PHLDB2: variants seen among roughly 807,000 people sequenced by gnomAD.
PHLDB2 encodes pleckstrin homology like domain family B member 2.
A neutral mutation model predicts 123.6 loss-of-function variants in PHLDB2; 71 were observed. The observed-to-expected ratio is 0.57, with a 90% CI of 0.47 to 0.70. The LOEUF (loss-of-function observed/expected upper bound fraction) is 0.70, where lower values mean the gene tolerates loss of function less well. Ranked by LOEUF, PHLDB2 falls within the 30% of genes least tolerant of loss-of-function variation. The pLI is 0.00. For synonymous variants in PHLDB2, 547 were observed against 541.6 expected, an observed-to-expected ratio of 1.01 and a Z score of -0.14; for missense variants, 1,446 against 1,519.5, an observed-to-expected ratio of 0.95 and a Z score of 0.80.
intron 2 of PHLDB2, among the ~76,000 whole-genome samples, chr3:111,896,196 G>T (rs984343414): frequency 1.3e-5 from 2 of 151,990 alleles, no homozygotes; most frequent in African/African-American, 2.4e-5. Context: ...CAAGTGATTT[G>T]CTCCCCTTAG....
chr3:111,869,159 T>A (rs957276837), intron 1 of PHLDB2, among the ~76,000 whole-genome samples: 1 of 152,202 alleles, frequency 6.6e-6, no homozygotes, highest in African/African-American at 2.4e-5. Flanking sequence ...CTGGAATTTT[T>A]TTTTTCTTCT....
At chr3:111,961,565 A>G (rs1384292808) in intron 12 of PHLDB2, among the ~76,000 whole-genome samples, 6 of 152,142 alleles carry the variant, frequency 3.9e-5, no homozygotes, top group Non-Finnish European at 7.3e-5. Context: ...AGAAAATGGG[A>G]AAAATGTGTA....
chr3:111,912,543 C>A (rs2067949153), intron 2 of PHLDB2, among the ~76,000 whole-genome samples: 1 of 151,658 alleles, frequency 6.6e-6, no homozygotes, highest in Admixed American at 6.6e-5. Context: ...AGAGAAAGAC[C>A]TTTATATGGT....
chr3:111,885,473 G>A, intron 2 of PHLDB2, 61 bp downstream of exon 2: 1 of 1,606,430 alleles, frequency 6.2e-7, no homozygotes, highest in African/African-American at 1.3e-5. Context: ...CTACAGGGCA[G>A]CCTTGGAGAT....
chr3:111,861,965 C>T (rs1055670718), intron 1 of PHLDB2, among the ~76,000 whole-genome samples: 1 of 152,118 alleles, frequency 6.6e-6, no homozygotes. Flanking sequence ...CCTCAGCCTC[C>T]CGAGTAGCTG....
rs777551991 is a variant in PHLDB2, at chr3:111,884,402, A to G, written c.325A>G (p.Thr109Ala). Residue 109 changes from threonine to alanine, a missense_variant, in exon 2 of 18, where the codon ACT becomes GCT. Physicochemically the swap from Thr to Ala is moderately conservative, Grantham distance 58 (BLOSUM62 0). Transcript: ENST00000431670. ...CAAAAATATTCCTATGAAACCTCCA[A>G]CTCCTTTACTCAACACTACATCCTC... ...TDKNIPMKPPTPLLNTTSSLS... is the reference protein window; with the variant it reads ...TDKNIPMKPPAPLLNTTSSLS... 7 of 1,613,634 alleles carry G rather than the reference A, an allele frequency of 4.3e-6. No individual in the cohort carries two copies. In the African/African-American group the frequency reaches 8.0e-5, roughly 18 times the overall value.
chr3:111,957,101 G>A (rs1369403858), intron 12 of PHLDB2: 1 of 152,626 alleles, frequency 6.6e-6, no homozygotes, highest in Non-Finnish European at 1.5e-5. Flanking sequence ...TGAGAGGAGA[G>A]TTTAAAACAG....
chr3:111,887,928 T>TA (rs1005954261), intron 2 of PHLDB2, among the ~76,000 whole-genome samples: 9 of 152,160 alleles, frequency 5.9e-5, no homozygotes, highest in African/African-American at 1.9e-4. Flanking sequence ...ATTAATGAGA[T>TA]ATTGTATTTT....
In PHLDB2 at chr3:111,913,412, C is replaced by A; in HGVS notation, c.1429C>A (p.Gln477Lys). 6.2e-7 allele frequency: 1 copy of A among 1,614,142 alleles called. No individual in the cohort carries two copies. The highest frequency in any genetic ancestry group is 1.7e-5 in the Admixed American group (1 of 60,020). ...TACTGGGACCACCGTGGAAGATGTG[C>A]AGAAAATCAACAAGGAGCTTGAGAA... ...LSTGTTVEDV[Q>K]KINKELEKLQ... The change falls in exon 3 of 18, where the codon CAG becomes AAG. Residue 477 changes from glutamine (Q) to lysine (K), a missense_variant. Around this residue, in one of 3 missense-constraint regions of PHLDB2, gnomAD observed 832 missense variants for 831.9 expected, o/e 1.00. Coordinates refer to ENST00000431670, the MANE Select transcript of PHLDB2 (RefSeq NM_001134438.2).
intron 12 of PHLDB2, chr3:111,958,250 T>G: frequency 1.0e-6 from 1 of 987,364 alleles, no homozygotes; most frequent in Non-Finnish European, 1.2e-6. Context: ...TGTGCCCTCT[T>G]CTTCTGGCTG....
At chr3:111,879,970 C>G (rs373429944) in intron 1 of PHLDB2, among the ~76,000 whole-genome samples, 1 of 144,538 alleles carries the variant, frequency 6.9e-6, no homozygotes, top group African/African-American at 2.5e-5. Context: ...TATCTTGAAA[C>G]CCTTTACCCA....
In PHLDB2 at chr3:111,866,419, A is replaced by T. The variant is rs183063198; in HGVS notation, c.-15+6843A>T. ...CTCTTGTGAGCCTGTTTGTACCCTG[A>T]CTATTCCCAGTTCATAAATCTTGGG... On this transcript the variant is annotated intron_variant, in intron 1 of 17. Transcript: ENST00000431670. Among the ~76,000 whole-genome samples, 36 of 152,280 alleles carry T rather than the reference A, an allele frequency of 2.4e-4. No homozygotes were observed. In the East Asian group the frequency reaches 6.6e-3, roughly 28 times the overall value.
intron 11 of PHLDB2, among the ~76,000 whole-genome samples, chr3:111,953,157 C>T (rs1255497311): frequency 6.6e-6 from 1 of 152,126 alleles, no homozygotes. Context: ...ATTATTATTC[C>T]AGTTGTATGT....
At chr3:111,749,704 A>T (rs1318968149) in intron 1 of PHLDB2, among the ~76,000 whole-genome samples, 2 of 152,114 alleles carry the variant, frequency 1.3e-5, no homozygotes, top group Admixed American at 1.3e-4. Flanking sequence ...GTACTTTTTC[A>T]TTTTCCCCCT....
At chr3:111,941,402 G>A (rs1172697332) in intron 8 of PHLDB2, among the ~76,000 whole-genome samples, 1 of 152,202 alleles carries the variant, frequency 6.6e-6, no homozygotes, top group African/African-American at 2.4e-5. Flanking sequence ...CATGAGAATG[G>A]CATGCAGAGA....
At chr3:111,792,820 T>A (rs1010365074) in intron 1 of PHLDB2, among the ~76,000 whole-genome samples, 15 of 152,226 alleles carry the variant, frequency 9.9e-5, no homozygotes, top group Admixed American at 8.5e-4. Context: ...AACAAATGCA[T>A]GCCATGGGTA....
Position 111,884,994 on chromosome 3 carries a change from C to T in PHLDB2, c.917C>T (p.Ser306Phe). 1 of 1,614,140 alleles carries T rather than the reference C, an allele frequency of 6.2e-7. No homozygotes were observed. The highest frequency in any genetic ancestry group is 8.5e-7 in the Non-Finnish European group (1 of 1,180,008). ...IDNDNYLNFS[S>F]LSSGALPYKT... ...AATGACAATTACCTTAATTTTTCTT[C>T]TTTGAGCTCAGGGGCTTTACCCTAT... The change falls in exon 2 of 18, where the codon TCT becomes TTT. Residue 306 changes from serine to phenylalanine, a missense_variant. Coordinates refer to ENST00000431670, the MANE Select transcript of PHLDB2 (RefSeq NM_001134438.2).
In PHLDB2 at chr3:111,948,069, C is replaced by T. The variant is rs534829366; in HGVS notation, c.2488-863C>T. 2.3e-3 allele frequency among the ~76,000 whole-genome samples: 348 copies of T among 152,240 alleles called. 2 individuals are homozygous for T. Among genetic ancestry groups the T allele is most frequent in the African/African-American group, 8.1e-3 (338 of 41,548 alleles). Reference sequence around the variant, plus strand: ...TTGACAAGTGCCTTTTCCACAGATTCGGGAGTTCTGCTTCTCAGATATTTT... The same window carrying T: ...TTGACAAGTGCCTTTTCCACAGATTTGGGAGTTCTGCTTCTCAGATATTTT... On this transcript the variant is annotated intron_variant, in intron 9 of 17. Transcript: ENST00000431670.
intron 1 of PHLDB2, among the ~76,000 whole-genome samples, chr3:111,747,805 C>G (rs2059703843): frequency 6.6e-6 from 1 of 152,172 alleles, no homozygotes; most frequent in Admixed American, 6.5e-5. Context: ...ATTCTTTTAT[C>G]CTGTTGGGTT....
Sources: gnomAD v4.1 joint callset for allele counts (sites outside exome capture counted in the v4.1 genomes callset) on GRCh38, gnomAD v4.1.1 for gene constraint, gnomAD v4.1.1 regional missense constraint, MANE v1.5 for transcripts, NCBI Gene and HGNC (gene_info 2026-07-23, HGNC 2026-07-21) for gene names.